The following CAPN13 variants were observed in gnomAD, a reference collection of about 807,000 sequenced individuals.
CAPN13 encodes calpain-13.
In CAPN13, 90 loss-of-function variants were observed where a neutral mutation model predicts 98.4. That is an observed-to-expected ratio of 0.92 (90% CI 0.77 to 1.09). CAPN13 has a LOEUF of 1.09. Ranked by LOEUF, CAPN13 falls within the 50% of genes least tolerant of loss-of-function variation. The pLI is 0.00. For synonymous variants in CAPN13, 330 were observed against 305.5 expected (o/e 1.08, Z -0.84); for missense variants, 887 against 841.3 (o/e 1.05, Z -0.67).
chr2:30,798,900 G>T (rs988535673), intron 1 of CAPN13, among the ~76,000 whole-genome samples: 4 of 152,176 alleles, frequency 2.6e-5, no homozygotes, highest in African/African-American at 4.8e-5. Flanking sequence ...AGGAAGGGTG[G>T]GGGAAGGGGC....
intron 4 of CAPN13, among the ~76,000 whole-genome samples, chr2:30,774,368 T>A (rs949665394): frequency 4.0e-5 from 6 of 151,882 alleles, no homozygotes; most frequent in Non-Finnish European, 8.8e-5. Context: ...AAAAGTTGAT[T>A]TGTCAAAAAA....
At chr2:30,753,301 G>T (rs1672273898) in intron 9 of CAPN13, 103 bp from the exon 10 acceptor site, 1 of 1,216,442 alleles carries the variant, frequency 8.2e-7, no homozygotes, top group East Asian at 2.3e-5. Context: ...CCAGAGGCCA[G>T]TGTCTGATCC....
intron 13 of CAPN13, among the ~76,000 whole-genome samples, chr2:30,742,876 G>A (rs765433278): frequency 2.0e-5 from 3 of 152,002 alleles, no homozygotes; most frequent in Admixed American, 6.6e-5. Flanking sequence ...ATCTTTCACT[G>A]TCTCCCTGCT....
intron 5 of CAPN13, among the ~76,000 whole-genome samples, chr2:30,769,475 C>G (rs939974729): frequency 6.6e-6 from 1 of 152,146 alleles, no homozygotes; most frequent in Non-Finnish European, 1.5e-5. Context: ...GTATCTTCAT[C>G]ACCTGTGTGG....
chr2:30,797,012 C>T (rs1453137793), intron 1 of CAPN13, among the ~76,000 whole-genome samples: 1 of 152,184 alleles, frequency 6.6e-6, no homozygotes, highest in Non-Finnish European at 1.5e-5. Context: ...GTTATATCCA[C>T]CTGAAAGAGG....
chr2:30,768,542 G>C (rs1164172373), intron 5 of CAPN13, among the ~76,000 whole-genome samples: 2 of 152,198 alleles, frequency 1.3e-5, no homozygotes, highest in East Asian at 1.9e-4. Context: ...AGCCCCATGA[G>C]AGTCCCTGCC....
intron 20 of CAPN13, among the ~76,000 whole-genome samples, chr2:30,731,830 T>G (rs537868021): frequency 2.0e-5 from 3 of 152,180 alleles, no homozygotes; most frequent in Non-Finnish European, 4.4e-5. Flanking sequence ...GTCTCAATCT[T>G]TTTGCCCAGC....
At chr2:30,785,053 C>T (rs755101393) in intron 2 of CAPN13, among the ~76,000 whole-genome samples, 22 of 152,178 alleles carry the variant, frequency 1.4e-4, no homozygotes, top group Non-Finnish European at 2.4e-4. Context: ...TTGGAAAATA[C>T]GTCAACTCAG....
intron 3 of CAPN13, among the ~76,000 whole-genome samples, chr2:30,776,569 G>C (rs1673705160): frequency 6.6e-6 from 1 of 152,180 alleles, no homozygotes; most frequent in African/African-American, 2.4e-5. Context: ...CAATGATGCT[G>C]TGTACAATTG....
chr2:30,752,967 G>T (rs919627500), intron 10 of CAPN13, 86 bp downstream of exon 10: 4 of 1,441,200 alleles, frequency 2.8e-6, no homozygotes, highest in Non-Finnish European at 3.9e-6. Context: ...CAGAATCAAG[G>T]ACCAGAGAGA....
At chr2:30,762,277 A>C (rs1672888026) in intron 7 of CAPN13, among the ~76,000 whole-genome samples, 1 of 152,196 alleles carries the variant, frequency 6.6e-6, no homozygotes, top group African/African-American at 2.4e-5. Context: ...GCCAGTGATC[A>C]CATACATTTT....
chr2:30,779,272 C>T (rs1416740664), intron 2 of CAPN13, among the ~76,000 whole-genome samples: 1 of 152,246 alleles, frequency 6.6e-6, no homozygotes, highest in African/African-American at 2.4e-5. Context: ...TGCAATCCTA[C>T]TCTAATATTT....
chr2:30,793,334 A>G (rs1431757537), intron 1 of CAPN13, among the ~76,000 whole-genome samples: 1 of 151,600 alleles, frequency 6.6e-6, no homozygotes, highest in Non-Finnish European at 1.5e-5. Context: ...AAAATAGGAG[A>G]ATAGTAACAT....
In CAPN13 at chr2:30,787,377, A is replaced by G; in HGVS notation, c.-32-20T>C. 6.5e-7 allele frequency: 1 copy of G among 1,542,224 alleles called. No homozygotes were observed. The highest frequency in any genetic ancestry group is 1.2e-5 in the South Asian group (1 of 80,316). On this transcript the variant is annotated intron_variant, in intron 1 of 22. Coordinates refer to ENST00000295055, the MANE Select transcript of CAPN13 (RefSeq NM_144575.3). The stretch of plus-strand genomic sequence containing the variant: ...CCTTTCCTGTTGGTGAGAAAAAGGG[A>G]TACCTTTGGGGTAAGCCATCAAGTC...
chr2:30,793,278 T>C (rs967838680), intron 1 of CAPN13, among the ~76,000 whole-genome samples: 6 of 151,576 alleles, frequency 4.0e-5, no homozygotes, highest in African/African-American at 1.5e-4. Flanking sequence ...GGTCACAAGA[T>C]ACAAGGTTAA....
intron 1 of CAPN13, among the ~76,000 whole-genome samples, chr2:30,793,563 G>A (rs1674708901): frequency 6.6e-6 from 1 of 151,600 alleles, no homozygotes; most frequent in Admixed American, 6.6e-5. Flanking sequence ...ATTCTAGCAT[G>A]CTTTTTTTTT....
Position 30,732,516 on chromosome 2 carries a change from G to T in CAPN13, c.1849C>A (p.Leu617Ile). 6.2e-7 allele frequency: 1 copy of T among 1,611,874 alleles called. No individual in the cohort carries two copies. The highest frequency in any genetic ancestry group is 8.5e-7 in the Non-Finnish European group (1 of 1,179,074). ...CTGCCGACGCTGTCGCTGTACCTGA[G>T]GGTCACCAGATGCAGCAGCTCACGG... ...ISRELLHLVTLRYSDSVGRVS... is the reference protein window; with the variant it reads ...ISRELLHLVTIRYSDSVGRVS... Residue 617 changes from leucine (L) to isoleucine (I), a missense_variant, in exon 20 of 23, where the codon CTC (leucine) becomes ATC (isoleucine). Leu to Ile is a conservative substitution (Grantham distance 5, BLOSUM62 2). Transcript: ENST00000295055.
chr2:30,805,826 A>G (rs146327702), intron 1 of CAPN13, among the ~76,000 whole-genome samples: 5 of 148,276 alleles, frequency 3.4e-5, no homozygotes, highest in African/African-American at 7.6e-5. Flanking sequence ...TGAAGCCTCA[A>G]CCTCCTGGGC....
intron 1 of CAPN13, among the ~76,000 whole-genome samples, chr2:30,800,358 A>G (rs1221148803): frequency 6.6e-6 from 1 of 152,222 alleles, no homozygotes; most frequent in African/African-American, 2.4e-5. Context: ...TTCCACAGGC[A>G]GGGCAACCCC....
Sources: gnomAD v4.1 joint callset for allele counts (sites outside exome capture counted in the v4.1 genomes callset) on GRCh38, gnomAD v4.1.1 for gene constraint, MANE v1.5 for transcripts, NCBI Gene and HGNC (gene_info 2026-07-23, HGNC 2026-07-21) for gene names.